Variants in ARHGAP24 observed in about 807,000 individuals in gnomAD.
The protein encoded by ARHGAP24 is rho GTPase-activating protein 24.
Under a neutral mutation model 76.4 loss-of-function variants are expected in ARHGAP24, and 50 were observed. That is an observed-to-expected ratio of 0.65 (90% CI 0.52 to 0.83). The LOEUF is 0.83. ARHGAP24 is among the 40% of genes least tolerant of loss of function. ARHGAP24 has a pLI of 0.00. For missense variants in ARHGAP24, 930 were observed against 914.2 expected (o/e 1.02, Z -0.22); for synonymous variants, 345 against 323.3 (o/e 1.07, Z -0.72).
chr4:85,788,971 C>A (rs1187862872), intron 3 of ARHGAP24, among the ~76,000 whole-genome samples: 1 of 152,092 alleles, frequency 6.6e-6, no homozygotes, highest in African/African-American at 2.4e-5. Flanking sequence ...TGGGACACAG[C>A]TTTCAAAATC....
intron 1 of ARHGAP24, among the ~76,000 whole-genome samples, chr4:85,514,037 C>G (rs1358902058): frequency 6.6e-6 from 1 of 152,134 alleles, no homozygotes; most frequent in Admixed American, 6.6e-5. Context: ...CTCATCAATC[C>G]TTTTGAAAGT....
chr4:85,615,273 A>T (rs997164343), intron 2 of ARHGAP24, among the ~76,000 whole-genome samples: 1 of 152,026 alleles, frequency 6.6e-6, no homozygotes, highest in Non-Finnish European at 1.5e-5. Flanking sequence ...TCTTTCACCT[A>T]AGATTTATTA....
chr4:85,663,665 T>C (rs543106275), intron 2 of ARHGAP24, among the ~76,000 whole-genome samples: 1 of 151,616 alleles, frequency 6.6e-6, no homozygotes, highest in South Asian at 2.1e-4. Flanking sequence ...TTGTCATAGA[T>C]AGCTCTTATT....
At chr4:85,756,887 G>C (rs1440771907) in intron 3 of ARHGAP24, among the ~76,000 whole-genome samples, 1 of 152,208 alleles carries the variant, frequency 6.6e-6, no homozygotes, top group East Asian at 1.9e-4. Context: ...CCCTTGGCTG[G>C]ACTGGCTCTA....
At chr4:85,752,533 G>A (rs1388355976) in intron 3 of ARHGAP24, among the ~76,000 whole-genome samples, 1 of 152,012 alleles carries the variant, frequency 6.6e-6, no homozygotes, top group African/African-American at 2.4e-5. Context: ...TAATCAATCG[G>A]TATTAAATAT....
At chr4:85,885,855 C>A (rs976948440) in intron 3 of ARHGAP24, among the ~76,000 whole-genome samples, 1 of 151,960 alleles carries the variant, frequency 6.6e-6, no homozygotes, top group Non-Finnish European at 1.5e-5. Flanking sequence ...TTGGTTGATA[C>A]TTTATTTATT....
intron 2 of ARHGAP24, among the ~76,000 whole-genome samples, chr4:85,629,068 A>T (rs1560560533): frequency 6.6e-6 from 1 of 151,868 alleles, no homozygotes; most frequent in Non-Finnish European, 1.5e-5. Context: ...TTGTGATGTG[A>T]TGATTCTTTT....
At chr4:85,705,931 CAA>C (rs34485650) in intron 2 of ARHGAP24, among the ~76,000 whole-genome samples, 47,105 of 151,658 alleles carry the variant, frequency 0.31, 8,291 homozygotes, top group African/African-American at 0.47. Flanking sequence ...AATAAAATAT[CAA>C]GAGGGGAAAG....
intron 5 of ARHGAP24, among the ~76,000 whole-genome samples, chr4:85,944,371 T>A (rs1190376307): frequency 2.0e-5 from 3 of 152,258 alleles, no homozygotes; most frequent in African/African-American, 4.8e-5. Context: ...TACTGTCTAC[T>A]TTTGAGAAGT....
chr4:85,829,402 G>C (rs1357293735), intron 3 of ARHGAP24, among the ~76,000 whole-genome samples: 11 of 152,160 alleles, frequency 7.2e-5, no homozygotes, highest in Non-Finnish European at 1.3e-4. Context: ...CTGTAAACTA[G>C]ATCGTCACCT....
chr4:85,742,617 A>C (rs1725867726), intron 3 of ARHGAP24, among the ~76,000 whole-genome samples: 1 of 152,230 alleles, frequency 6.6e-6, no homozygotes. Context: ...TGCCATTAAA[A>C]TCGGTTCTTT....
At chr4:85,514,969 G>A (rs910923903) in intron 1 of ARHGAP24, among the ~76,000 whole-genome samples, 2 of 152,162 alleles carry the variant, frequency 1.3e-5, no homozygotes, top group Admixed American at 6.5e-5. Context: ...GCCAGATAGG[G>A]AAGGAATAAC....
chr4:85,676,030 G>T lies in ARHGAP24; in HGVS notation c.181-45855G>T, dbSNP rs76422705. On this transcript the variant is annotated intron_variant, in intron 2 of 9. Transcript: ENST00000395184. The stretch of plus-strand genomic sequence containing the variant: ...AACAAAATCAAAATGGAGAAGAAAT[G>T]AAAACAGTTTCCTAAGTTATAAATA... Among the ~76,000 whole-genome samples the T allele has an allele frequency of 1.9e-3, 295 of 152,240 alleles. 1 individual carries two copies. The highest frequency in any genetic ancestry group is 6.9e-3 in the African/African-American group (287 of 41,538).
chr4:85,962,313 T>G (rs1207582428), intron 5 of ARHGAP24, among the ~76,000 whole-genome samples: 2 of 152,088 alleles, frequency 1.3e-5, no homozygotes. Flanking sequence ...TAGCAAAAAA[T>G]CAAAACTCAT....
intron 2 of ARHGAP24, among the ~76,000 whole-genome samples, chr4:85,597,726 T>C (rs1284132607): frequency 6.6e-6 from 1 of 152,100 alleles, no homozygotes; most frequent in East Asian, 1.9e-4. Context: ...GGTACTTTTA[T>C]TATAGCCATT....
chr4:85,638,582 T>C (rs145877265), intron 2 of ARHGAP24, among the ~76,000 whole-genome samples: 282 of 152,250 alleles, frequency 1.9e-3, no homozygotes, highest in African/African-American at 6.7e-3. Context: ...TTTCCTTTCC[T>C]CTCTAATAGT....
At chr4:85,524,502 G>A (rs1362132316) in intron 1 of ARHGAP24, among the ~76,000 whole-genome samples, 3 of 152,056 alleles carry the variant, frequency 2.0e-5, no homozygotes, top group African/African-American at 7.2e-5. Flanking sequence ...GATGACCCAT[G>A]GCCATTCAAG....
At chr4:85,503,299 C>A (rs1407026233) in intron 1 of ARHGAP24, among the ~76,000 whole-genome samples, 4 of 152,162 alleles carry the variant, frequency 2.6e-5, no homozygotes, top group African/African-American at 9.7e-5. Flanking sequence ...ATGGTACCAG[C>A]TCCTCTTTGT....
chr4:85,942,172 G>C lies in ARHGAP24; in HGVS notation c.498G>C (p.Arg166Ser). 4 of 1,614,054 alleles carry C rather than the reference G, an allele frequency of 2.5e-6. No homozygotes were observed. The highest frequency in any genetic ancestry group is 3.4e-6 in the Non-Finnish European group (4 of 1,180,006). The change falls in exon 5 of 10, where the codon AGG (arginine) becomes AGC (serine). Residue 166 changes from arginine (R) to serine (S), a missense_variant. Transcript: ENST00000395184. ...AGTGCGTGGACTTTATCCGACAAAGGGGGCTGAAAGAAGAGGGTCTCTTTC... is the reference window on the plus strand; with the variant it reads ...AGTGCGTGGACTTTATCCGACAAAGCGGGCTGAAAGAAGAGGGTCTCTTTC... ...VEQCVDFIRQ[R>S]GLKEEGLFRL...
Sources: gnomAD v4.1 joint callset for allele counts (sites outside exome capture counted in the v4.1 genomes callset) on GRCh38, gnomAD v4.1.1 for gene constraint, MANE v1.5 for transcripts, NCBI Gene and HGNC (gene_info 2026-07-23, HGNC 2026-07-21) for gene names.